Variants in P2RY11 observed in about 807,000 individuals in gnomAD.
P2RY11 encodes P2Y purinoceptor 11.
P2RY11 carries 3 observed loss-of-function variants against 2.4 expected under a neutral mutation model. That is an observed-to-expected ratio of 1.22 (90% CI 0.56 to 3.17). The LOEUF (loss-of-function observed/expected upper bound fraction) is 3.17. Among genes scored for constraint, P2RY11 ranks in the 30% most tolerant of loss-of-function variants. The probability of loss-of-function intolerance (pLI) is 0.03; values close to 1 mark genes in which losing one functional copy is unlikely to be tolerated. For synonymous variants in P2RY11, 307 were observed against 237.3 expected, an observed-to-expected ratio of 1.29 and a Z score of -2.70; for missense variants, 670 against 528.2, an observed-to-expected ratio of 1.27 and a Z score of -2.63.
chr19:10,114,168 C>G lies in P2RY11; in HGVS notation c.555C>G (p.Pro185=). The G allele has an allele frequency of 1.9e-6, 3 of 1,600,684 alleles. No homozygotes were observed. The highest frequency in any genetic ancestry group is 2.5e-6 in the Non-Finnish European group (3 of 1,179,478). The part of the protein sequence containing the change: ...QGAGNCSVAR[P]EACIKCLGTA... ...CGGGCAACTGCAGCGTGGCCAGGCC[C>G]GAGGCCTGCATCAAGTGTCTGGGGA... The change falls in exon 2 of 2, where the codon CCC becomes CCG. Residue 185 remains proline, a synonymous_variant. Coordinates refer to ENST00000321826, the MANE Select transcript of P2RY11 (RefSeq NM_002566.5).
rs780400425 is a variant in P2RY11 at position 10,113,900 on chromosome 19, G to A, written c.287G>A (p.Arg96His). Reference sequence around the variant, plus strand: ...TACCTCTATCCCCCCAAGCACTGGCGCTATGGGGAGGCCGCGTGCCGCCTG... The same window carrying A: ...TACCTCTATCCCCCCAAGCACTGGCACTATGGGGAGGCCGCGTGCCGCCTG... ...AAYLYPPKHW[R>H]YGEAACRLER... Residue 96 changes from arginine to histidine, a missense_variant, in exon 2 of 2, where the codon CGC becomes CAC. By Grantham distance (29) the Arg-to-His change is conservative (BLOSUM62 0). Coordinates refer to ENST00000321826, the MANE Select transcript of P2RY11 (RefSeq NM_002566.5). 58 of 1,607,634 alleles carry A rather than the reference G, an allele frequency of 3.6e-5. No individual in the cohort carries two copies. The highest frequency in any genetic ancestry group is 6.6e-5 in the South Asian group (6 of 91,086).
chr19:10,115,117 G>C lies in P2RY11; in HGVS notation c.*379G>C, dbSNP rs1303860087. 1 of 1,613,938 alleles carries C rather than the reference G, an allele frequency of 6.2e-7. No individual in the cohort carries two copies. Among genetic ancestry groups the C allele is most frequent in the Admixed American group, 1.7e-5 (1 of 60,000 alleles). On this transcript the variant is annotated 3_prime_UTR_variant, in exon 2 of 2. Transcript: ENST00000321826. Reference sequence around the variant, plus strand: ...CGAGTACACAGTGGCAGCTGGCTTAGTTGGTGGACGGCCTGGGGTAGGGGA... The same window carrying C: ...CGAGTACACAGTGGCAGCTGGCTTACTTGGTGGACGGCCTGGGGTAGGGGA...
rs988543452 is a variant in P2RY11 at position 10,115,217 on chromosome 19, C to G, written c.*479C>G. Reference sequence around the variant, plus strand: ...AAGTGGCATCTTGGGGGTGGGTGGGCAGAGGACGGGGTAATGTGAGGACGA... The same window carrying G: ...AAGTGGCATCTTGGGGGTGGGTGGGGAGAGGACGGGGTAATGTGAGGACGA... On this transcript the variant is annotated 3_prime_UTR_variant, in exon 2 of 2. Coordinates refer to ENST00000321826, the MANE Select transcript of P2RY11 (RefSeq NM_002566.5). The G allele has an allele frequency of 1.3e-6, 2 of 1,526,932 alleles. No individual in the cohort carries two copies. Among genetic ancestry groups the G allele is most frequent in the African/African-American group, 2.7e-5 (2 of 73,426 alleles). The allele number at this position is 1,526,932 out of a possible 1,614,324, so 94.6% of individuals were successfully genotyped here.
Position 10,115,344 on chromosome 19 carries a change from A to C in P2RY11, c.*606A>C. The C allele has an allele frequency of 4.4e-5, 53 of 1,203,898 alleles. No homozygotes were observed. The highest frequency in any genetic ancestry group is 6.1e-5 in the Non-Finnish European group (53 of 868,522). The allele number at this position is 1,203,898 out of a possible 1,614,324, so 74.6% of individuals were successfully genotyped here. On this transcript the variant is annotated 3_prime_UTR_variant, in exon 2 of 2. Transcript: ENST00000321826. ...ACCCCTCTGCCCGGTTTTGGAAAAA[A>C]ACAATAAAGGACTGTCCCCTCAAAA... is the stretch of plus-strand genomic sequence containing the variant.
Position 10,114,055 on chromosome 19 carries a change from G to T in P2RY11, c.442G>T (p.Ala148Ser), listed in dbSNP as rs2089184376. 1 of 1,600,636 alleles carries T rather than the reference G, an allele frequency of 6.2e-7. No individual in the cohort carries two copies. The highest frequency in any genetic ancestry group is 1.3e-5 in the African/African-American group (1 of 75,048). ...RSHLRPKHAW[A>S]VSAAGWVLAA... is the part of the protein sequence containing the mutation. ...CCACCTGCGACCCAAGCACGCCTGG[G>T]CCGTGAGCGCTGCCGGCTGGGTCCT... Residue 148 changes from alanine to serine, a missense_variant, in exon 2 of 2, where the codon GCC becomes TCC. Transcript: ENST00000321826.
chr19:10,112,088 C>A, intron 1 of P2RY11: 1 of 206,374 alleles, frequency 4.8e-6, no homozygotes, highest in Admixed American at 5.7e-5. Flanking sequence ...CCAGCTTGGG[C>A]AATGAGCGAA....
chr19:10,113,754 C>A lies in P2RY11; in HGVS notation c.141C>A (p.Gly47=), dbSNP rs146352491. ...VEFLVAVASN[G]LALYRFSIRK... is the part of the protein sequence containing the mutation. ...TCCTGGTGGCCGTGGCCAGCAATGG[C>A]CTGGCCCTGTACCGCTTCAGCATCC... The change falls in exon 2 of 2, where the codon GGC becomes GGA. Residue 47 remains glycine, a synonymous_variant. Transcript: ENST00000321826. The A allele has an allele frequency of 5.9e-4, 958 of 1,614,076 alleles. 9 individuals are homozygous for A. In the African/African-American group the frequency reaches 0.012, roughly 19 times the overall value.
rs1268027640 is a variant in P2RY11 at position 10,115,256 on chromosome 19, C to T, written c.*518C>T. 11 of 1,277,956 alleles carry T rather than the reference C, an allele frequency of 8.6e-6. No individual in the cohort carries two copies. The highest frequency in any genetic ancestry group is 1.5e-5 in the African/African-American group (1 of 68,114). 79.2% of individuals were successfully genotyped at this position (1,277,956 alleles called of 1,614,324 possible). On this transcript the variant is annotated 3_prime_UTR_variant, in exon 2 of 2. Coordinates refer to ENST00000321826, the MANE Select transcript of P2RY11 (RefSeq NM_002566.5). ...ATGTGAGGACGAAGCGGGCACGGAGCCAGATGGCCAGTCTCCAGGCCTGGT... is the reference window on the plus strand; with the variant it reads ...ATGTGAGGACGAAGCGGGCACGGAGTCAGATGGCCAGTCTCCAGGCCTGGT...
At position 10,113,747 on chromosome 19, in the gene P2RY11, G is replaced by C; in HGVS notation, c.134G>C (p.Ser45Thr). The C allele has an allele frequency of 1.2e-6, 2 of 1,614,022 alleles. No homozygotes were observed. The change falls in exon 2 of 2, where the codon AGC becomes ACC. Residue 45 changes from serine (S) to threonine (T), a missense_variant. By Grantham distance (58) the Ser-to-Thr change is moderately conservative. Coordinates refer to ENST00000321826, the MANE Select transcript of P2RY11 (RefSeq NM_002566.5). The part of the protein sequence containing the change: ...LVVEFLVAVA[S>T]NGLALYRFSI... ...GTTGAGTTCCTGGTGGCCGTGGCCA[G>C]CAATGGCCTGGCCCTGTACCGCTTC...
chr19:10,113,830 G>A lies in P2RY11; in HGVS notation c.217G>A (p.Val73Ile), dbSNP rs2089174441. The change falls in exon 2 of 2, where the codon GTC becomes ATC. Residue 73 changes from valine (V) to isoleucine (I), a missense_variant. Physicochemically the swap from Val to Ile is conservative, Grantham distance 29. Transcript: ENST00000321826. The part of the protein sequence containing the change: ...PAVVFSVQLA[V>I]SDLLCALTLP... ...CGTGGTCTTCTCTGTCCAGCTGGCA[G>A]TCAGCGACCTGCTCTGCGCCCTGAC... 6.2e-7 allele frequency: 1 copy of A among 1,613,796 alleles called. No individual in the cohort carries two copies. The highest frequency in any genetic ancestry group is 1.1e-5 in the South Asian group (1 of 91,072).
In P2RY11 at chr19:10,115,282, C is replaced by G; in HGVS notation, c.*544C>G. Reference sequence around the variant, plus strand: ...CAGATGGCCAGTCTCCAGGCCTGGTCCACGGACTGGCAGGGACCCCAGGCA... The same window carrying G: ...CAGATGGCCAGTCTCCAGGCCTGGTGCACGGACTGGCAGGGACCCCAGGCA... On this transcript the variant is annotated 3_prime_UTR_variant, in exon 2 of 2. Transcript: ENST00000321826. The G allele has an allele frequency of 1.7e-6, 2 of 1,166,530 alleles. No homozygotes were observed. Among genetic ancestry groups the G allele is most frequent in the South Asian group, 3.1e-5 (2 of 64,208 alleles). 72.3% of individuals were successfully genotyped at this position (1,166,530 alleles called of 1,614,324 possible). A position where few individuals can be genotyped will look rare whatever the true frequency, so the allele number is the denominator to read the frequency against.
chr19:10,113,566 C>T (rs2089164413), intron 1 of P2RY11, 67 bp from the exon 2 acceptor site: 3 of 1,546,536 alleles, frequency 1.9e-6, no homozygotes, highest in Admixed American at 1.9e-5. Flanking sequence ...CAGACGTGGG[C>T]TCTTGGGGTA....
In P2RY11 at chr19:10,115,031, C is replaced by G; in HGVS notation, c.*293C>G. ...GAACCAAGTAGAGAGAGTGGAGCTG[C>G]TTTATTGCCCTTGGAGCCCGCGCTC... On this transcript the variant is annotated 3_prime_UTR_variant, in exon 2 of 2. Transcript: ENST00000321826. 6.3e-6 allele frequency: 10 copies of G among 1,589,272 alleles called. No individual in the cohort carries two copies. Among genetic ancestry groups the G allele is most frequent in the Non-Finnish European group, 7.7e-6 (9 of 1,162,976 alleles).
At chr19:10,112,482 AGGAG>A (rs1346472059) in intron 1 of P2RY11, 2 of 152,502 alleles carry the variant, frequency 1.3e-5, no homozygotes, top group African/African-American at 2.4e-5. Context: ...ATCCTCCCGA[AGGAG>A]GGAGATTTTT....
At chr19:10,111,763 G>C (rs1182854795) in intron 1 of P2RY11, 23 bp downstream of exon 1, 1 of 1,613,274 alleles carries the variant, frequency 6.2e-7, no homozygotes, top group East Asian at 2.2e-5. Context: ...CATGTTGGCT[G>C]TCTCTGGGGG....
Position 10,113,879 on chromosome 19 carries a change from T to G in P2RY11, c.266T>G (p.Leu89Arg), listed in dbSNP as rs1451377553. The change falls in exon 2 of 2, where the codon CTC (leucine) becomes CGC (arginine). Residue 89 changes from leucine (L) to arginine (R), a missense_variant. Physicochemically the swap from Leu to Arg is moderately radical, Grantham distance 102. Transcript: ENST00000321826. ...ALTLPPLAAY[L>R]YPPKHWRYGE... Reference sequence around the variant, plus strand: ...ACGCTGCCCCCGCTGGCCGCCTACCTCTATCCCCCCAAGCACTGGCGCTAT... The same window carrying G: ...ACGCTGCCCCCGCTGGCCGCCTACCGCTATCCCCCCAAGCACTGGCGCTAT... The G allele has an allele frequency of 6.2e-7, 1 of 1,609,846 alleles. No individual in the cohort carries two copies. Among genetic ancestry groups the G allele is most frequent in the Non-Finnish European group, 8.5e-7 (1 of 1,179,468 alleles).
In P2RY11 at chr19:10,114,508, C is replaced by T. The variant is rs761975287; in HGVS notation, c.895C>T (p.Pro299Ser). The T allele has an allele frequency of 6.2e-7, 1 of 1,609,728 alleles. No individual in the cohort carries two copies. Among genetic ancestry groups the T allele is most frequent in the Non-Finnish European group, 8.5e-7 (1 of 1,177,272 alleles). ...AQATAALELGPYVGYQVMRGL... is the reference protein window; with the variant it reads ...AQATAALELGSYVGYQVMRGL... ...GGCCACAGCAGCCCTGGAGCTGGGG[C>T]CCTACGTGGGCTACCAGGTGATGCG... Residue 299 changes from proline (P) to serine (S), a missense_variant, in exon 2 of 2, where the codon CCC (proline) becomes TCC (serine). By Grantham distance (74) the Pro-to-Ser change is moderately conservative. Transcript: ENST00000321826.
rs370291693 is a variant in P2RY11, at chr19:10,114,255, C to T, written c.642C>T (p.Cys214=). ...AYSLVLAGLG[C]GLPLLLTLAA... is the part of the protein sequence containing the mutation. ...GCCTGGTGCTGGCGGGGTTGGGCTGCGGCCTGCCGCTGCTGCTCACGCTGG... is the reference window on the plus strand; with the variant it reads ...GCCTGGTGCTGGCGGGGTTGGGCTGTGGCCTGCCGCTGCTGCTCACGCTGG... The change falls in exon 2 of 2, where the codon TGC becomes TGT. Residue 214 remains cysteine, a synonymous_variant. Coordinates refer to ENST00000321826, the MANE Select transcript of P2RY11 (RefSeq NM_002566.5). 1.1e-4 allele frequency: 181 copies of T among 1,598,256 alleles called. No homozygotes were observed. The highest frequency in any genetic ancestry group is 9.3e-5 in the African/African-American group (7 of 75,014).
In P2RY11 at chr19:10,111,752, G is replaced by C. The variant is rs771653427; in HGVS notation, c.19+12G>C. On this transcript the variant is annotated intron_variant, in intron 1 of 1. Coordinates refer to ENST00000321826, the MANE Select transcript of P2RY11 (RefSeq NM_002566.5). ...AGCCAACGTCTCGGGTAAGGAGAAG[G>C]CATGTTGGCTGTCTCTGGGGGTCTG... 6.2e-7 allele frequency: 1 copy of C among 1,613,352 alleles called. No individual in the cohort carries two copies. The highest frequency in any genetic ancestry group is 1.3e-5 in the African/African-American group (1 of 74,868).
Sources: allele counts gnomAD v4.1 joint callset, GRCh38; gene constraint gnomAD v4.1.1; transcripts MANE v1.5; gene names NCBI Gene and HGNC (gene_info 2026-07-23, HGNC 2026-07-21).